The following LIN9 variants were observed in gnomAD, a reference collection of about 807,000 sequenced individuals.
LIN9 encodes lin-9 DREAM MuvB core complex component.
LIN9 carries 18 observed loss-of-function variants against 78.0 expected under a neutral mutation model. That is an observed-to-expected ratio of 0.23 (90% CI 0.16 to 0.34). The LOEUF (loss-of-function observed/expected upper bound fraction) is 0.34. Among genes scored for constraint, LIN9 ranks in the 10% least tolerant of loss-of-function variants. The pLI is 1.00. For missense variants in LIN9, 451 were observed against 644.1 expected, an observed-to-expected ratio of 0.70 and a Z score of 3.25; for synonymous variants, 192 against 215.2, an observed-to-expected ratio of 0.89 and a Z score of 0.94.
At chr1:226,237,029 C>T (rs941873497) in intron 12 of LIN9, among the ~76,000 whole-genome samples, 2 of 152,102 alleles carry the variant, frequency 1.3e-5, no homozygotes, top group African/African-American at 4.8e-5. Flanking sequence ...ATTGCTTAGT[C>T]ATGGTGTTCT....
rs1657451114 is a variant in LIN9 at position 226,233,025 on chromosome 1, T to C, written c.1523+71A>G. ...ATGAGTACTTCACAAATATGCATAATTCTTAAAACCTGGACTGAAAATTAC... is the reference window on the plus strand; with the variant it reads ...ATGAGTACTTCACAAATATGCATAACTCTTAAAACCTGGACTGAAAATTAC... On this transcript the variant is annotated intron_variant, in intron 14 of 14. Transcript: ENST00000681046. 3.3e-6 allele frequency: 3 copies of C among 921,772 alleles called. No homozygotes were observed. In the South Asian group the frequency reaches 5.1e-5, roughly 16 times the overall value. 57.1% of individuals were successfully genotyped at this position (921,772 alleles called of 1,614,324 possible). A position where few individuals can be genotyped will look rare whatever the true frequency, so the allele number is the denominator to read the frequency against.
chr1:226,302,860 C>A (rs536687905), intron 1 of LIN9, among the ~76,000 whole-genome samples: 3 of 152,276 alleles, frequency 2.0e-5, no homozygotes, highest in African/African-American at 7.2e-5. Flanking sequence ...CATCTCAGAT[C>A]CTTAAACACT....
chr1:226,267,888 T>C (rs767507857), intron 8 of LIN9, 69 bp downstream of exon 8: 5 of 1,460,028 alleles, frequency 3.4e-6, no homozygotes, highest in Non-Finnish European at 4.6e-6. Flanking sequence ...AAAATACGAT[T>C]TCTAAAAAAA....
In LIN9 at chr1:226,268,059, G is replaced by T; in HGVS notation, c.714C>A (p.Phe238Leu). The T allele has an allele frequency of 6.2e-7, 1 of 1,614,022 alleles. No individual in the cohort carries two copies. The part of the protein sequence containing the change: ...ARLRGVHDGL[F>L]TGQIDAVDTL... ...TATCCACAGCATCTATTTGTCCAGT[G>T]AACAAACCATCATGAACACCACGTA... The change falls in exon 8 of 15, where the codon TTC (phenylalanine) becomes TTA (leucine). Residue 238 changes from phenylalanine (F) to leucine (L), a missense_variant. Transcript: ENST00000681046.
intron 11 of LIN9, among the ~76,000 whole-genome samples, chr1:226,247,417 T>G (rs995131835): frequency 2.0e-5 from 3 of 152,114 alleles, no homozygotes; most frequent in Non-Finnish European, 4.4e-5. Context: ...TTGAGGCCTA[T>G]AAAAATGCTA....
At chr1:226,266,376 A>G (rs1659907741) in intron 8 of LIN9, 44 bp from the exon 9 acceptor site, 4 of 1,535,712 alleles carry the variant, frequency 2.6e-6, no homozygotes, top group Admixed American at 1.8e-5. Flanking sequence ...AAATTTACCA[A>G]TCATTTAAGC....
At chr1:226,304,347 A>C (rs994921677) in intron 1 of LIN9, among the ~76,000 whole-genome samples, 1 of 152,184 alleles carries the variant, frequency 6.6e-6, no homozygotes, top group Non-Finnish European at 1.5e-5. Context: ...AAAAGTCAGC[A>C]CATGACCCAT....
chr1:226,257,304 T>G (rs1018029007), intron 10 of LIN9, among the ~76,000 whole-genome samples: 2 of 152,130 alleles, frequency 1.3e-5, no homozygotes, highest in Admixed American at 1.3e-4. Context: ...TGTCAGAAAC[T>G]CAGATATAAA....
chr1:226,241,899 T>C (rs1319569808), intron 11 of LIN9, among the ~76,000 whole-genome samples: 1 of 151,574 alleles, frequency 6.6e-6, no homozygotes, highest in Non-Finnish European at 1.5e-5. Flanking sequence ...TAATGAACCA[T>C]AAAAAAAATT....
In LIN9 at chr1:226,286,414, T is replaced by G; in HGVS notation, c.443A>C (p.Glu148Ala). 1.2e-6 allele frequency: 2 copies of G among 1,609,296 alleles called. No homozygotes were observed. Among genetic ancestry groups the G allele is most frequent in the Non-Finnish European group, 8.5e-7 (1 of 1,176,522 alleles). Residue 148 changes from glutamate (E) to alanine (A), a missense_variant, in exon 6 of 15, where the codon GAA becomes GCA. Physicochemically the swap from Glu to Ala is moderately radical, Grantham distance 107 (BLOSUM62 -1). Transcript: ENST00000681046. ...TCTTGTTTTCAAATTAGGAAAAGATTCCTTTAGACATACACAGAAGTCATT... is the reference window on the plus strand; with the variant it reads ...TCTTGTTTTCAAATTAGGAAAAGATGCCTTTAGACATACACAGAAGTCATT... ...GDNDFCVCLK[E>A]SFPNLKTRKL...
chr1:226,298,387 T>C (rs1662290443), intron 2 of LIN9, among the ~76,000 whole-genome samples: 2 of 152,174 alleles, frequency 1.3e-5, no homozygotes, highest in African/African-American at 4.8e-5. Context: ...TTTGTATTTT[T>C]AGTAGAGACA....
rs1047762384 is a variant in LIN9, at chr1:226,232,131, C to G, written c.*370G>C. 7.5e-6 allele frequency: 3 copies of G among 398,994 alleles called. No homozygotes were observed. Among genetic ancestry groups the G allele is most frequent in the Middle Eastern group, 6.3e-4 (1 of 1,584 alleles). 24.7% of individuals were successfully genotyped at this position (398,994 alleles called of 1,614,324 possible). A position where few individuals can be genotyped will look rare whatever the true frequency, so the allele number is the denominator to read the frequency against. On this transcript the variant is annotated 3_prime_UTR_variant, in exon 15 of 15. Transcript: ENST00000681046. ...CGACATGAATAAAAAGACCAGGTTT[C>G]TTCATACTCTCCATTGCAGCAGTTG...
intron 12 of LIN9, among the ~76,000 whole-genome samples, chr1:226,235,305 A>G (rs1657618116): frequency 7.1e-6 from 1 of 140,116 alleles, no homozygotes; most frequent in Non-Finnish European, 1.5e-5. Flanking sequence ...CTGGTGGACA[A>G]GAGCGAAAAT....
intron 10 of LIN9, among the ~76,000 whole-genome samples, chr1:226,252,986 G>A (rs1247462784): frequency 6.6e-6 from 1 of 151,846 alleles, no homozygotes; most frequent in Non-Finnish European, 1.5e-5. Flanking sequence ...ATCCCAGCTG[G>A]GCACAGTGGC....
intron 12 of LIN9, among the ~76,000 whole-genome samples, chr1:226,235,785 GAAAC>G (rs922750472): frequency 9.9e-5 from 15 of 152,118 alleles, no homozygotes; most frequent in Non-Finnish European, 1.6e-4. Flanking sequence ...ATTTGTTGGG[GAAAC>G]AAACACTCAG....
chr1:226,292,464 A>G (rs1236966034), intron 4 of LIN9, among the ~76,000 whole-genome samples: 5 of 152,068 alleles, frequency 3.3e-5, no homozygotes, highest in Admixed American at 6.5e-5. Flanking sequence ...AGAAACATAA[A>G]TTATTAAAAC....
At chr1:226,242,587 T>C (rs1235485673) in intron 11 of LIN9, among the ~76,000 whole-genome samples, 1 of 152,202 alleles carries the variant, frequency 6.6e-6, no homozygotes, top group African/African-American at 2.4e-5. Flanking sequence ...GAGCTGACCC[T>C]CAGACAACAC....
chr1:226,308,877 G>A (rs1663094996), intron 1 of LIN9: 3 of 306,280 alleles, frequency 9.8e-6, no homozygotes, highest in Non-Finnish European at 1.8e-5. Flanking sequence ...GGACTCCCGG[G>A]CTCTCGGTTT....
At position 226,277,938 on chromosome 1, in the gene LIN9, A is replaced by G. The variant is rs775789807; in HGVS notation, c.525-6T>C. 22 of 1,600,974 alleles carry G rather than the reference A, an allele frequency of 1.4e-5. No homozygotes were observed. In the South Asian group the frequency reaches 2.5e-4, roughly 18 times the overall value. Reference sequence around the variant, plus strand: ...CAAAAAATGCAGAAGAACATCTAGAATAAATTATAAAAAACATACAAACTG... The same window carrying G: ...CAAAAAATGCAGAAGAACATCTAGAGTAAATTATAAAAAACATACAAACTG... On this transcript the variant is annotated splice_polypyrimidine_tract_variant and splice_region_variant and intron_variant, in intron 6 of 14. Coordinates refer to ENST00000681046, the MANE Select transcript of LIN9 (RefSeq NM_001366245.2).
Sources: gnomAD v4.1 joint callset for allele counts (sites outside exome capture counted in the v4.1 genomes callset) on GRCh38, gnomAD v4.1.1 for gene constraint, MANE v1.5 for transcripts, NCBI Gene and HGNC (gene_info 2026-07-23, HGNC 2026-07-21) for gene names.